BCAS3: variants seen among roughly 807,000 people sequenced by gnomAD.
The protein encoded by BCAS3 is BCAS3 microtubule associated cell migration factor, also known as BCAS4/BCAS3 fusion.
In BCAS3, 53 loss-of-function variants were observed where a neutral mutation model predicts 116.1. The observed-to-expected ratio is 0.46, with a 90% confidence interval of 0.37 to 0.57. BCAS3 has a LOEUF of 0.57. Among genes scored for constraint, BCAS3 ranks in the 20% least tolerant of loss-of-function variants. The probability of loss-of-function intolerance (pLI) is 0.00; values close to 1 mark genes in which losing one functional copy is unlikely to be tolerated. For missense variants in BCAS3, 917 were observed against 1,165.4 expected (o/e 0.79, Z 3.10); for synonymous variants, 391 against 408.2 (o/e 0.96, Z 0.51).
intron 7 of BCAS3, among the ~76,000 whole-genome samples, chr17:60,831,995 A>C (rs1053302439): frequency 1.3e-5 from 2 of 152,188 alleles, no homozygotes; most frequent in African/African-American, 4.8e-5. Context: ...ATGTACGTTT[A>C]TGATGATGAA....
intron 22 of BCAS3, among the ~76,000 whole-genome samples, chr17:61,195,231 T>G (rs2080405912): frequency 6.6e-6 from 1 of 152,238 alleles, no homozygotes; most frequent in South Asian, 2.1e-4. Flanking sequence ...GCTGTAAAAA[T>G]TGGCTGTTCA....
At chr17:60,798,394 C>G (rs2047402715) in intron 6 of BCAS3, among the ~76,000 whole-genome samples, 1 of 152,190 alleles carries the variant, frequency 6.6e-6, no homozygotes, top group African/African-American at 2.4e-5. Context: ...AACCATTGAT[C>G]TTTTTACTGT....
At position 61,008,041 on chromosome 17, in the gene BCAS3, G is replaced by GAC. The variant is rs149531395; in HGVS notation, c.1487-7688_1487-7687dup. ...CTTTAAAAATGTGTGTCTGTGTGTC[G>GAC]ACACACACACACACACACACACATA... On this transcript the variant is annotated intron_variant, in intron 15 of 23. Coordinates refer to ENST00000407086, the MANE Select transcript of BCAS3 (RefSeq NM_017679.5). The surrounding 1 kb of genome is among the most constrained non-coding windows in gnomAD (Gnocchi z 4.6). Among the ~76,000 whole-genome samples, 9,779 of 149,246 alleles carry GAC rather than the reference G, an allele frequency of 0.066. 435 individuals are homozygous for GAC. Among genetic ancestry groups the GAC allele is most frequent in the African/African-American group, 0.12 (4,767 of 40,886 alleles).
chr17:60,800,453 T>C (rs1316768437), intron 6 of BCAS3, among the ~76,000 whole-genome samples: 1 of 152,252 alleles, frequency 6.6e-6, no homozygotes, highest in Non-Finnish European at 1.5e-5. Context: ...GTTGTTTTAC[T>C]GTTGAGTTGT....
chr17:60,756,398 C>T (rs1015623689), intron 6 of BCAS3, among the ~76,000 whole-genome samples: 52 of 152,134 alleles, frequency 3.4e-4, no homozygotes, highest in African/African-American at 1.2e-3. Context: ...TACCCATTAA[C>T]CAACCTCTCT....
rs560825983 is a variant in BCAS3 at position 61,106,250 on chromosome 17, A to G, written c.2425+21686A>G. The stretch of plus-strand genomic sequence containing the variant: ...CATGGTATATACAGTCATGTATGGC[A>G]TAGTGACCTTTCAGTCAACAGTGGA... On this transcript the variant is annotated intron_variant, in intron 22 of 23. Coordinates refer to ENST00000407086, the MANE Select transcript of BCAS3 (RefSeq NM_017679.5). This position sits in a 1 kb window ranked among gnomAD's most constrained non-coding sequence, Gnocchi z 4.2. Among the ~76,000 whole-genome samples the G allele has an allele frequency of 6.6e-6, 1 of 152,366 alleles. No homozygotes were observed. The highest frequency in any genetic ancestry group is 2.4e-5 in the African/African-American group (1 of 41,596).
In BCAS3 at chr17:61,347,356, A is replaced by G. The variant is rs1388280028; in HGVS notation, c.2426-20971A>G. 6.6e-6 allele frequency among the ~76,000 whole-genome samples: 1 copy of G among 152,192 alleles called. No individual in the cohort carries two copies. Among genetic ancestry groups the G allele is most frequent in the Non-Finnish European group, 1.5e-5 (1 of 68,038 alleles). ...CTCAGCCTCCCAAAGTGCTGGGATT[A>G]TAGGCATGAGCCACCGCACCCGGCC... On this transcript the variant is annotated intron_variant, in intron 22 of 23. Coordinates refer to ENST00000407086, the MANE Select transcript of BCAS3 (RefSeq NM_017679.5). The surrounding 1 kb of genome is among the most constrained non-coding windows in gnomAD (Gnocchi z 4.3).
intron 19 of BCAS3, among the ~76,000 whole-genome samples, chr17:61,045,739 T>A (rs868400832): frequency 1.5e-5 from 2 of 134,300 alleles, no homozygotes; most frequent in Admixed American, 8.5e-5. Flanking sequence ...TCGCTTGAAC[T>A]CAGGAGTTGG....
chr17:60,679,254 A>G (rs1334194868), intron 1 of BCAS3, among the ~76,000 whole-genome samples, 199 bp from the exon 2 acceptor site: 5 of 152,042 alleles, frequency 3.3e-5, no homozygotes, highest in Non-Finnish European at 7.4e-5. Context: ...CAAACCCCTC[A>G]TTATAATTTG....
At chr17:61,054,861 G>A (rs1487290818) in intron 19 of BCAS3, among the ~76,000 whole-genome samples, 5 of 152,122 alleles carry the variant, frequency 3.3e-5, no homozygotes, top group Admixed American at 1.3e-4. Context: ...TTCCACTGAA[G>A]CTAGTCATAT....
chr17:60,709,363 C>G, intron 5 of BCAS3, 38 bp downstream of exon 5: 2 of 1,192,842 alleles, frequency 1.7e-6, no homozygotes, highest in South Asian at 1.3e-5. Context: ...AAACATACTT[C>G]CCAGCATGTT....
intron 6 of BCAS3, among the ~76,000 whole-genome samples, chr17:60,771,553 CT>C (rs201696595): frequency 1.2e-4 from 18 of 149,890 alleles, no homozygotes; most frequent in South Asian, 1.1e-3. Context: ...TGACGGGTAT[CT>C]TTTTTTTTTA....
In BCAS3 at chr17:61,180,748, T is replaced by C. The variant is rs2079433109; in HGVS notation, c.2425+96184T>C. On this transcript the variant is annotated intron_variant, in intron 22 of 23. Coordinates refer to ENST00000407086, the MANE Select transcript of BCAS3 (RefSeq NM_017679.5). This position sits in a 1 kb window ranked among gnomAD's most constrained non-coding sequence, Gnocchi z 6.0. ...ATGGCACTATCTGCAGTAGGCTTTGTGCTGTAGGCACAGAATAAAGTTATC... is the reference window on the plus strand; with the variant it reads ...ATGGCACTATCTGCAGTAGGCTTTGCGCTGTAGGCACAGAATAAAGTTATC... 6.6e-6 allele frequency among the ~76,000 whole-genome samples: 1 copy of C among 152,218 alleles called. No individual in the cohort carries two copies. Among genetic ancestry groups the C allele is most frequent in the African/African-American group, 2.4e-5 (1 of 41,462 alleles).
chr17:61,087,108 G>C lies in BCAS3; in HGVS notation c.2425+2544G>C. 1 of 984,354 alleles carries C rather than the reference G, an allele frequency of 1.0e-6. No individual in the cohort carries two copies. The highest frequency in any genetic ancestry group is 1.2e-6 in the Non-Finnish European group (1 of 829,014). The allele number at this position is 984,354 out of a possible 1,614,324, so 61.0% of individuals were successfully genotyped here. On this transcript the variant is annotated intron_variant, in intron 22 of 23. Transcript: ENST00000407086. This position sits in a 1 kb window ranked among gnomAD's most constrained non-coding sequence, Gnocchi z 4.6. ...TTGTTGTAGATTCTTCTGTTAAAAA[G>C]AATCTAATAAATTTTTATAATTGCT...
intron 22 of BCAS3, among the ~76,000 whole-genome samples, chr17:61,110,679 A>G (rs1484222825): frequency 6.6e-6 from 1 of 152,180 alleles, no homozygotes; most frequent in East Asian, 1.9e-4. Flanking sequence ...GGCGCCCGCC[A>G]TTGCCCAGGC....
Position 61,247,743 on chromosome 17 carries a change from T to A in BCAS3, c.2426-120584T>A, listed in dbSNP as rs78580098. On this transcript the variant is annotated intron_variant, in intron 22 of 23. Transcript: ENST00000407086. ...GTAGAGAGCAGCATACTCTACCTGA[T>A]GAGTGGCTGGAGATCTTAGCCCTTT... 3.1e-3 allele frequency among the ~76,000 whole-genome samples: 466 copies of A among 152,306 alleles called. 2 individuals carry two copies. Among genetic ancestry groups the A allele is most frequent in the African/African-American group, 0.01 (425 of 41,560 alleles).
intron 22 of BCAS3, among the ~76,000 whole-genome samples, chr17:61,236,415 G>T (rs1271173331): frequency 6.6e-6 from 1 of 152,178 alleles, no homozygotes. Flanking sequence ...TGCCTCCCAG[G>T]TTCAACCAAT....
At chr17:60,947,416 C>A in intron 14 of BCAS3, 64 bp downstream of exon 14, 1 of 1,468,460 alleles carries the variant, frequency 6.8e-7, no homozygotes, top group South Asian at 1.3e-5. Flanking sequence ...TCTAGCTGGT[C>A]ATTTATATTA....
rs2072903477 is a variant in BCAS3, at chr17:61,084,301, C to T, written c.2328-166C>T. Among the ~76,000 whole-genome samples, 1 of 152,140 alleles carries T rather than the reference C, an allele frequency of 6.6e-6. No homozygotes were observed. Among genetic ancestry groups the T allele is most frequent in the African/African-American group, 2.4e-5 (1 of 41,410 alleles). ...GTAGAGAATATTTGTAGTGTTTTATCCTTGTGCAGCAATTAGGGACTGCAG... is the reference window on the plus strand; with the variant it reads ...GTAGAGAATATTTGTAGTGTTTTATTCTTGTGCAGCAATTAGGGACTGCAG... On this transcript the variant is annotated intron_variant, in intron 21 of 23. Transcript: ENST00000407086. The surrounding 1 kb of genome is among the most constrained non-coding windows in gnomAD (Gnocchi z 5.5).
Sources: allele counts gnomAD v4.1 joint callset (sites outside exome capture counted in the v4.1 genomes callset), GRCh38; gene constraint gnomAD v4.1.1; non-coding constraint Gnocchi (gnomAD v3.1); transcripts MANE v1.5; gene names NCBI Gene and HGNC (gene_info 2026-07-23, HGNC 2026-07-21).